TNR: variants seen among roughly 807,000 people sequenced by gnomAD.
The protein encoded by TNR is tenascin R.
TNR carries 45 observed loss-of-function variants against 150.4 expected under a neutral mutation model. That is an observed-to-expected ratio of 0.30 (90% CI 0.24 to 0.38). TNR has a LOEUF of 0.38. Among genes scored for constraint, TNR ranks in the 10% least tolerant of loss-of-function variants. The probability of loss-of-function intolerance (pLI) is 1.00; values close to 1 mark genes in which losing one functional copy is unlikely to be tolerated. For missense variants in TNR, 1,544 were observed against 1,759.1 expected, an observed-to-expected ratio of 0.88 and a Z score of 2.19; for synonymous variants, 687 against 678.4, an observed-to-expected ratio of 1.01 and a Z score of -0.20.
intron 2 of TNR, among the ~76,000 whole-genome samples, chr1:175,457,467 C>G (rs1432592158): frequency 1.3e-5 from 2 of 152,220 alleles, no homozygotes; most frequent in African/African-American, 4.8e-5. Flanking sequence ...GCCAGCCTGT[C>G]TGGTTTGGTC....
At chr1:175,417,050 A>AGAAAGAAAGAAAGAAAGAAAGAAAGAAT (rs2102058463) in intron 2 of TNR, among the ~76,000 whole-genome samples, 1 of 105,364 alleles carries the variant, frequency 9.5e-6, no homozygotes, top group African/African-American at 3.2e-5. Context: ...AAAGAAAGAA[A>AGAAAGAAAGAAAGAAAGAAAGAAAGAAT]GAAAGAAAGA....
intron 1 of TNR, among the ~76,000 whole-genome samples, chr1:175,635,607 T>A (rs2101876890): frequency 6.6e-6 from 1 of 152,308 alleles, no homozygotes; most frequent in South Asian, 2.1e-4. Context: ...CCAAGACAGA[T>A]GGAATTGGTA....
chr1:175,338,332 T>A (rs1415815469), intron 18 of TNR, among the ~76,000 whole-genome samples: 1 of 152,254 alleles, frequency 6.6e-6, no homozygotes, highest in Non-Finnish European at 1.5e-5. Context: ...TTGCAGCTCA[T>A]CTTTCAGAGA....
intron 1 of TNR, among the ~76,000 whole-genome samples, chr1:175,639,076 C>T (rs1275169087): frequency 6.6e-6 from 1 of 152,176 alleles, no homozygotes; most frequent in Non-Finnish European, 1.5e-5. Flanking sequence ...ACGCACCCTG[C>T]TCCAAGTAAC....
chr1:175,507,026 C>A (rs1441240263), intron 2 of TNR, among the ~76,000 whole-genome samples: 1 of 152,106 alleles, frequency 6.6e-6, no homozygotes, highest in East Asian at 1.9e-4. Flanking sequence ...CCTGGTGGCA[C>A]AGAGGGTCAT....
At chr1:175,683,181 C>G (rs967226251) in intron 1 of TNR, among the ~76,000 whole-genome samples, 3 of 152,112 alleles carry the variant, frequency 2.0e-5, no homozygotes, top group Admixed American at 6.6e-5. Context: ...CTTCCATGCC[C>G]TTCTCTCCTT....
At chr1:175,548,665 TAA>T (rs3032580) in intron 1 of TNR, among the ~76,000 whole-genome samples, 1 of 146,338 alleles carries the variant, frequency 6.8e-6, no homozygotes. Context: ...TAAGCAAAAT[TAA>T]AAAAAAAAAA....
chr1:175,331,542 C>T (rs537443180), intron 20 of TNR, among the ~76,000 whole-genome samples: 3 of 152,218 alleles, frequency 2.0e-5, no homozygotes, highest in Admixed American at 6.5e-5. Flanking sequence ...GGATTACAGG[C>T]GTGAGCCACT....
At chr1:175,482,903 C>G (rs562084493) in intron 2 of TNR, among the ~76,000 whole-genome samples, 24 of 152,180 alleles carry the variant, frequency 1.6e-4, no homozygotes, top group Non-Finnish European at 2.8e-4. Context: ...AGACCTCACC[C>G]AATGGAAACC....
chr1:175,543,906 T>A (rs1473177019), intron 1 of TNR, among the ~76,000 whole-genome samples: 1 of 151,346 alleles, frequency 6.6e-6, no homozygotes, highest in East Asian at 1.9e-4. Context: ...CAACAGGAAG[T>A]CACAGAGAAA....
chr1:175,367,002 G>GT (rs1356951084), intron 10 of TNR, among the ~76,000 whole-genome samples: 1 of 152,228 alleles, frequency 6.6e-6, no homozygotes, highest in African/African-American at 2.4e-5. Context: ...GCACAGGTCT[G>GT]TGGGGAAGAG....
intron 21 of TNR, among the ~76,000 whole-genome samples, chr1:175,326,296 A>G (rs1322126997): frequency 6.6e-6 from 1 of 152,162 alleles, no homozygotes; most frequent in Non-Finnish European, 1.5e-5. Flanking sequence ...GGCTCATGCT[A>G]CTTATTGAAT....
chr1:175,696,716 C>G (rs1558078205), intron 1 of TNR, among the ~76,000 whole-genome samples: 2 of 152,018 alleles, frequency 1.3e-5, no homozygotes, highest in Non-Finnish European at 2.9e-5. Context: ...CCCATGTCTA[C>G]TAAAAATACA....
At chr1:175,511,349 G>A (rs1448491546) in intron 2 of TNR, among the ~76,000 whole-genome samples, 4 of 152,138 alleles carry the variant, frequency 2.6e-5, no homozygotes, top group Non-Finnish European at 5.9e-5. Flanking sequence ...TCATGCCAAA[G>A]CTATTTTTTA....
chr1:175,678,097 T>A lies in TNR; in HGVS notation c.-165+65129A>T, dbSNP rs184766655. On this transcript the variant is annotated intron_variant, in intron 1 of 22. Transcript: ENST00000367674. ...TTGTGGCACCTGTGATTGGGTTATA[T>A]CATAGCAATTCTTTTCATTATTTCC... Among the ~76,000 whole-genome samples, 110 of 152,314 alleles carry A rather than the reference T, an allele frequency of 7.2e-4. 1 individual carries two copies. The highest frequency in any genetic ancestry group is 2.5e-3 in the African/African-American group (104 of 41,568).
At chr1:175,568,915 G>C (rs144072627) in intron 1 of TNR, among the ~76,000 whole-genome samples, 7 of 152,192 alleles carry the variant, frequency 4.6e-5, no homozygotes, top group African/African-American at 1.7e-4. Context: ...CTAAGGAAAA[G>C]TTCCTTTGAA....
intron 1 of TNR, among the ~76,000 whole-genome samples, chr1:175,686,711 A>T (rs1001522657): frequency 3.9e-5 from 6 of 152,064 alleles, no homozygotes; most frequent in Admixed American, 2.0e-4. Flanking sequence ...CCCATTGTTT[A>T]GTTCCCGCTT....
chr1:175,436,607 C>T (rs1307739097), intron 2 of TNR, among the ~76,000 whole-genome samples: 1 of 152,142 alleles, frequency 6.6e-6, no homozygotes, highest in Non-Finnish European at 1.5e-5. Flanking sequence ...AGAGTCAAGA[C>T]CCATCAGTGT....
chr1:175,740,277 G>T (rs1245479797), intron 1 of TNR, among the ~76,000 whole-genome samples: 1 of 152,228 alleles, frequency 6.6e-6, no homozygotes, highest in Non-Finnish European at 1.5e-5. Flanking sequence ...ACACAAGTCA[G>T]AAAGTGATGG....
Sources: allele counts gnomAD v4.1 joint callset (sites outside exome capture counted in the v4.1 genomes callset), GRCh38; gene constraint gnomAD v4.1.1; transcripts MANE v1.5; gene names NCBI Gene and HGNC (gene_info 2026-07-23, HGNC 2026-07-21).